The following RORA variants were observed in gnomAD, a reference collection of about 807,000 sequenced individuals.
RORA encodes nuclear receptor ROR-alpha.
Under a neutral mutation model 69.5 loss-of-function variants are expected in RORA, and 7 were observed. The observed-to-expected ratio is 0.10, with a 90% CI of 0.06 to 0.19. The LOEUF is 0.19. Ranked by LOEUF, RORA falls within the 10% of genes least tolerant of loss-of-function variation. The pLI is 1.00. For synonymous variants in RORA, 261 were observed against 240.8 expected (o/e 1.08, Z -0.78); for missense variants, 457 against 663.0 (o/e 0.69, Z 3.41).
chr15:61,121,820 C>CAAAAAAAAAAAAA (rs2079107409), intron 1 of RORA, among the ~76,000 whole-genome samples: 1 of 100,964 alleles, frequency 9.9e-6, no homozygotes. Flanking sequence ...ATGTAACTGC[C>CAAAAAAAAAAAAA]AAAAGAAAAA....
At chr15:60,884,729 T>G (rs1293125013) in intron 1 of RORA, among the ~76,000 whole-genome samples, 1 of 152,216 alleles carries the variant, frequency 6.6e-6, no homozygotes, top group African/African-American at 2.4e-5. Flanking sequence ...CATTCTCTCT[T>G]GCCTTCTTCA....
chr15:61,084,130 C>T (rs762553436), intron 1 of RORA, among the ~76,000 whole-genome samples: 14 of 152,162 alleles, frequency 9.2e-5, no homozygotes, highest in African/African-American at 2.9e-4. Context: ...GAGGGGCTAT[C>T]GATGCCACTC....
At chr15:60,926,426 A>G (rs905290324) in intron 1 of RORA, among the ~76,000 whole-genome samples, 2 of 152,236 alleles carry the variant, frequency 1.3e-5, no homozygotes, top group Non-Finnish European at 1.5e-5. Context: ...GTCACTGGGT[A>G]GATTATAGAG....
intron 1 of RORA, among the ~76,000 whole-genome samples, chr15:60,770,985 G>GTATAA: frequency 6.6e-6 from 1 of 152,212 alleles, no homozygotes; most frequent in African/African-American, 2.4e-5. Flanking sequence ...TGCAATATTT[G>GTATAA]GGACATAATT....
At chr15:60,729,926 T>TCTTTTCTGGTTC (rs1309019697) in intron 1 of RORA, among the ~76,000 whole-genome samples, 1 of 152,222 alleles carries the variant, frequency 6.6e-6, no homozygotes, top group East Asian at 1.9e-4. Context: ...CTAGATTCCT[T>TCTTTTCTGGTTC]CTTTTCTGGT....
chr15:60,686,949 A>C (rs1198071637), intron 1 of RORA: 1 of 152,264 alleles, frequency 6.6e-6, no homozygotes, highest in African/African-American at 2.4e-5. Context: ...TCAGCATACC[A>C]AGTCAAGGCA....
At chr15:60,741,972 C>T (rs2071581175) in intron 1 of RORA, among the ~76,000 whole-genome samples, 2 of 152,150 alleles carry the variant, frequency 1.3e-5, no homozygotes, top group South Asian at 4.1e-4. Flanking sequence ...CTTCCCTCTC[C>T]ACTGGACAAA....
At chr15:60,723,251 G>A (rs1283356369) in intron 1 of RORA, among the ~76,000 whole-genome samples, 2 of 151,968 alleles carry the variant, frequency 1.3e-5, no homozygotes, top group Non-Finnish European at 2.9e-5. Flanking sequence ...TTTTATTTTA[G>A]CAATAGCAGC....
chr15:60,741,022 T>C (rs944560402), intron 1 of RORA, among the ~76,000 whole-genome samples: 66 of 152,246 alleles, frequency 4.3e-4, no homozygotes, highest in Non-Finnish European at 9.3e-4. Context: ...CTAGGCATTC[T>C]TCTTGGGCAG....
chr15:61,041,165 T>C (rs185670535), intron 1 of RORA: 1 of 152,344 alleles, frequency 6.6e-6, no homozygotes, highest in Admixed American at 6.5e-5. Flanking sequence ...TTTAAAACTC[T>C]CTTTGCCTGT....
chr15:61,034,381 A>C (rs1354906021), intron 1 of RORA, among the ~76,000 whole-genome samples: 2 of 152,218 alleles, frequency 1.3e-5, no homozygotes, highest in Non-Finnish European at 2.9e-5. Context: ...GAGTCAGTCT[A>C]TATAGAGGCT....
intron 3 of RORA, among the ~76,000 whole-genome samples, chr15:60,517,110 C>CTTTTTTTTTTTTTTTTTTTTTTTTTTTT (rs34707279): frequency 2.3e-4 from 32 of 141,244 alleles, no homozygotes; most frequent in African/African-American, 8.7e-4. Flanking sequence ...TTCATCTGTG[C>CTTTTTTTTTTTTTTTTTTTTTTTTTTTT]TTTTTTTTTT....
chr15:60,957,245 T>C (rs1893294652), intron 1 of RORA, among the ~76,000 whole-genome samples: 1 of 152,246 alleles, frequency 6.6e-6, no homozygotes, highest in African/African-American at 2.4e-5. Context: ...ATAGACACTT[T>C]GCGGGCTATA....
At chr15:60,820,143 G>A (rs945339586) in intron 1 of RORA, among the ~76,000 whole-genome samples, 7 of 152,256 alleles carry the variant, frequency 4.6e-5, no homozygotes, top group Admixed American at 1.3e-4. Flanking sequence ...AGGCTGACGA[G>A]TGAGGCTGCA....
intron 1 of RORA, among the ~76,000 whole-genome samples, chr15:61,035,662 T>C (rs568921887): frequency 2.6e-4 from 40 of 152,312 alleles, no homozygotes; most frequent in African/African-American, 8.9e-4. Flanking sequence ...GATAGGTGTC[T>C]GAATCACTCA....
At position 60,933,854 on chromosome 15, in the gene RORA, C is replaced by T. The variant is rs940623072; in HGVS notation, c.167-255168G>A. On this transcript the variant is annotated intron_variant, in intron 1 of 10. Coordinates refer to ENST00000335670, the MANE Select transcript of RORA (RefSeq NM_134261.3). ...AGCAGAGGCACTGGTGCGATCCATT[C>T]TGTTGGCCATGAAATGTCTTTGGGT... is the stretch of plus-strand genomic sequence containing the variant. 4.6e-5 allele frequency among the ~76,000 whole-genome samples: 7 copies of T among 152,336 alleles called. No individual in the cohort carries two copies. The Middle Eastern group carries it at 0.01, about 222-fold the overall frequency.
chr15:61,158,194 GTGAT>G (rs1269425035), intron 1 of RORA, among the ~76,000 whole-genome samples: 2 of 152,178 alleles, frequency 1.3e-5, no homozygotes, highest in Non-Finnish European at 2.9e-5. Context: ...CCTGACAGAT[GTGAT>G]CCCTGGAGTG....
At chr15:60,596,303 G>A (rs2068664912) in intron 2 of RORA, among the ~76,000 whole-genome samples, 1 of 151,926 alleles carries the variant, frequency 6.6e-6, no homozygotes, top group South Asian at 2.1e-4. Flanking sequence ...CAGGCCCTGC[G>A]TCTCTCTCTC....
intron 1 of RORA, among the ~76,000 whole-genome samples, chr15:60,925,731 C>T (rs993945285): frequency 6.6e-6 from 1 of 152,204 alleles, no homozygotes. Flanking sequence ...GTGTGGAATC[C>T]AAGGACTATC....
Sources: gnomAD v4.1 joint callset for allele counts (sites outside exome capture counted in the v4.1 genomes callset) on GRCh38, gnomAD v4.1.1 for gene constraint, MANE v1.5 for transcripts, NCBI Gene and HGNC (gene_info 2026-07-23, HGNC 2026-07-21) for gene names.